Variants in ABCA4 observed in about 807,000 individuals in gnomAD.
ABCA4 encodes retinal-specific phospholipid-transporting ATPase ABCA4.
In ABCA4, 196 loss-of-function variants were observed where a neutral mutation model predicts 263.7. That is an observed-to-expected ratio of 0.74 (90% confidence interval 0.66 to 0.84). The LOEUF is 0.84. Ranked by LOEUF, ABCA4 falls within the 40% of genes least tolerant of loss-of-function variation. The pLI is 0.00. For synonymous variants in ABCA4, 1,133 were observed against 1,094.2 expected (o/e 1.04, Z -0.70); for missense variants, 2,792 against 2,855.1 (o/e 0.98, Z 0.50).
chr1:94,038,133 A>G (rs182792816), intron 24 of ABCA4, among the ~76,000 whole-genome samples: 21 of 150,120 alleles, frequency 1.4e-4, no homozygotes, highest in Admixed American at 4.0e-4. Flanking sequence ...CAGGAAATGC[A>G]GAGGGGGGGT....
rs1659059321 is a variant in ABCA4, at chr1:93,998,040, G to T, written c.6550C>A (p.Pro2184Thr). 6.2e-7 allele frequency: 1 copy of T among 1,614,062 alleles called. No homozygotes were observed. The part of the protein sequence containing the change: ...PKDDLLPDLN[P>T]VEQFFQGNFP... ...TTCCCCTGGAAGAACTGCTCCACAG[G>T]GTTCAGGTCAGGAAGCAGGTCGTCC... is the stretch of plus-strand genomic sequence containing the variant. The change falls in exon 48 of 50, where the codon CCT becomes ACT. Residue 2184 changes from proline to threonine, a missense_variant. Coordinates refer to ENST00000370225, the MANE Select transcript of ABCA4 (RefSeq NM_000350.3).
intron 15 of ABCA4, 135 bp downstream of exon 15, chr1:94,056,450 TGCCCCTGTACATTTTA>T (rs1255599057): frequency 1.2e-6 from 1 of 810,342 alleles, no homozygotes; most frequent in Admixed American, 2.1e-5. Flanking sequence ...CTCCCACTTT[TGCCCCTGTACATTTTA>T]GCCTCACGTG....
At chr1:94,097,789 A>C (rs112164954) in intron 6 of ABCA4, among the ~76,000 whole-genome samples, 3 of 152,072 alleles carry the variant, frequency 2.0e-5, no homozygotes, top group African/African-American at 7.2e-5. Flanking sequence ...TTGCTCTGTC[A>C]CCCAGGCTGG....
chr1:94,102,199 GA>G (rs1662302440), intron 5 of ABCA4, among the ~76,000 whole-genome samples: 1 of 152,172 alleles, frequency 6.6e-6, no homozygotes, highest in African/African-American at 2.4e-5. Context: ...TGCATAAATA[GA>G]GGAGATTATT....
chr1:94,088,399 T>TC, intron 6 of ABCA4, among the ~76,000 whole-genome samples: 1 of 152,320 alleles, frequency 6.6e-6, no homozygotes, highest in Middle Eastern at 3.4e-3. Context: ...TCATTTCCTT[T>TC]ATCATTTAAT....
At chr1:94,085,369 C>G (rs764927851) in intron 6 of ABCA4, among the ~76,000 whole-genome samples, 1 of 152,164 alleles carries the variant, frequency 6.6e-6, no homozygotes, top group Non-Finnish European at 1.5e-5. Context: ...TACAATAAAA[C>G]GTTTTAATAA....
In ABCA4 at chr1:94,010,810, GGAA is replaced by G; in HGVS notation, c.5701_5703del (p.Phe1901del). 1.2e-6 allele frequency: 2 copies of G among 1,614,170 alleles called. No individual in the cohort carries two copies. The highest frequency in any genetic ancestry group is 2.2e-5 in the South Asian group (2 of 91,080). On this transcript the variant is annotated inframe_deletion, in exon 40 of 50. Coordinates refer to ENST00000370225, the MANE Select transcript of ABCA4 (RefSeq NM_000350.3). ...GTGGCATGGACGTACCATTGGGAGAGGAAGAAGTGGCGCTGGACCAGCAGGGTC... is the reference window on the plus strand; with the variant it reads ...GTGGCATGGACGTACCATTGGGAGAGGAAGTGGCGCTGGACCAGCAGGGTC...
intron 38 of ABCA4, 84 bp from the exon 39 acceptor site, chr1:94,011,469 A>G: frequency 6.3e-7 from 1 of 1,598,884 alleles, no homozygotes; most frequent in South Asian, 1.1e-5. Context: ...ATGCTCTCAC[A>G]GGACAGCACA....
intron 22 of ABCA4, among the ~76,000 whole-genome samples, chr1:94,042,098 C>CAAA (rs11334956): frequency 1.2e-3 from 100 of 81,056 alleles, no homozygotes; most frequent in African/African-American, 1.6e-3. Context: ...GATTCTGTCT[C>CAAA]AAAAAAAAAA....
chr1:94,099,265 C>T (rs1460965495), intron 5 of ABCA4, among the ~76,000 whole-genome samples: 4 of 152,140 alleles, frequency 2.6e-5, no homozygotes, highest in African/African-American at 9.7e-5. Flanking sequence ...GATAAGCCCC[C>T]ACTGGCCTTG....
At chr1:94,082,481 CAG>C (rs1227767961) in intron 7 of ABCA4, among the ~76,000 whole-genome samples, 1 of 152,174 alleles carries the variant, frequency 6.6e-6, no homozygotes, top group Non-Finnish European at 1.5e-5. Flanking sequence ...GACTGTTTAA[CAG>C]AGACTCCCAC....
At chr1:94,046,820 A>G in intron 19 of ABCA4, 99 bp downstream of exon 19, 1 of 1,467,338 alleles carries the variant, frequency 6.8e-7, no homozygotes, top group Non-Finnish European at 9.5e-7. Context: ...ATTTGTCACT[A>G]AAATTTGTGG....
chr1:94,062,799 C>G, intron 12 of ABCA4, 46 bp from the exon 13 acceptor site: 5 of 1,593,954 alleles, frequency 3.1e-6, no homozygotes, highest in Non-Finnish European at 4.3e-6. Context: ...GCTTGGATAG[C>G]TCACTCACAC....
intron 11 of ABCA4, among the ~76,000 whole-genome samples, chr1:94,064,751 C>T (rs887834328): frequency 1.3e-5 from 2 of 151,954 alleles, no homozygotes; most frequent in African/African-American, 2.4e-5. Context: ...AGGGTGGGAC[C>T]GGACGGTTTG....
chr1:94,014,780 T>C, intron 37 of ABCA4, 90 bp from the exon 38 acceptor site: 1 of 1,534,812 alleles, frequency 6.5e-7, no homozygotes, highest in Non-Finnish European at 9.0e-7. Context: ...CCCTTACACC[T>C]GAGGTGATGT....
At chr1:94,074,241 C>A (rs537769214) in intron 11 of ABCA4, among the ~76,000 whole-genome samples, 7 of 152,252 alleles carry the variant, frequency 4.6e-5, no homozygotes, top group East Asian at 1.9e-4. Context: ...CTTTGCCAAA[C>A]CTGACACACA....
At chr1:94,062,514 C>T in intron 13 of ABCA4, 63 bp downstream of exon 13, 1 of 1,570,088 alleles carries the variant, frequency 6.4e-7, no homozygotes, top group Non-Finnish European at 8.7e-7. Flanking sequence ...CCCAGCCCAC[C>T]CCAGCCCACT....
intron 49 of ABCA4, among the ~76,000 whole-genome samples, chr1:93,993,769 G>C (rs1658929681): frequency 6.6e-6 from 1 of 152,056 alleles, no homozygotes; most frequent in South Asian, 2.1e-4. Context: ...GATTAATAAA[G>C]ATGTCCATGT....
At chr1:94,043,607 T>A (rs1230849111) in intron 20 of ABCA4, 132 bp from the exon 21 acceptor site, 23 of 1,275,940 alleles carry the variant, frequency 1.8e-5, no homozygotes, top group Non-Finnish European at 2.3e-5. Flanking sequence ...GTGTTTATGA[T>A]ACAATACAAA....
Sources: gnomAD v4.1 joint callset for allele counts (sites outside exome capture counted in the v4.1 genomes callset) on GRCh38, gnomAD v4.1.1 for gene constraint, MANE v1.5 for transcripts, NCBI Gene and HGNC (gene_info 2026-07-23, HGNC 2026-07-21) for gene names.